The following SH2D3C variants were observed in gnomAD, a reference collection of about 807,000 sequenced individuals.
SH2D3C encodes the protein SH2 domain containing 3C.
Under a neutral mutation model 75.2 loss-of-function variants are expected in SH2D3C, and 25 were observed. The ratio of observed to expected loss-of-function variants is 0.33; its 90% CI spans 0.24 to 0.46. The LOEUF is 0.46. Ranked by LOEUF, SH2D3C falls within the 20% of genes least tolerant of loss-of-function variation. SH2D3C has a pLI of 1.00. For missense variants in SH2D3C, 933 were observed against 1,165.3 expected, an observed-to-expected ratio of 0.80 and a Z score of 2.90; for synonymous variants, 450 against 473.7, an observed-to-expected ratio of 0.95 and a Z score of 0.65.
chr9:127,740,227 G>C, intron 10 of SH2D3C, 31 bp downstream of exon 10: 2 of 1,579,514 alleles, frequency 1.3e-6, no homozygotes, highest in Non-Finnish European at 1.7e-6. Context: ...GAGGGCTGCA[G>C]CCTGTCCAAG....
intron 5 of SH2D3C, among the ~76,000 whole-genome samples, chr9:127,748,022 G>A (rs1845085757): frequency 6.6e-6 from 1 of 152,098 alleles, no homozygotes; most frequent in Admixed American, 6.6e-5. Flanking sequence ...TGGGAAAGGG[G>A]GTATAGGCCA....
chr9:127,740,752 C>T (rs1377777996), intron 9 of SH2D3C, among the ~76,000 whole-genome samples: 3 of 152,234 alleles, frequency 2.0e-5, no homozygotes, highest in Non-Finnish European at 2.9e-5. Flanking sequence ...GCAATCTCGG[C>T]TCACTGCAAA....
chr9:127,742,209 GT>G (rs1320008977), intron 8 of SH2D3C, among the ~76,000 whole-genome samples: 8 of 152,152 alleles, frequency 5.3e-5, no homozygotes, highest in African/African-American at 1.7e-4. Context: ...ACGCAGAGTA[GT>G]TTTTTGTTTT....
intron 3 of SH2D3C, among the ~76,000 whole-genome samples, chr9:127,755,698 ACT>A (rs1271712021): frequency 6.6e-6 from 1 of 151,998 alleles, no homozygotes; most frequent in Non-Finnish European, 1.5e-5. Context: ...GGAATCAGAG[ACT>A]CTGCTGGGAA....
chr9:127,749,288 G>A lies in SH2D3C; in HGVS notation c.1062C>T (p.His354=). The part of the protein sequence containing the change: ...PVSPSGPKGS[H]MKRRSVTMTD... ...TCATGGTGACGCTGCGCCGCTTCAT[G>A]TGGCTGCCCTTGGGGCCTGAGGGGC... is the stretch of plus-strand genomic sequence containing the variant. Residue 354 remains histidine (H), a synonymous_variant, in exon 5 of 12, where the codon CAC becomes CAT. Transcript: ENST00000314830. This position sits in a 1 kb window ranked among gnomAD's most constrained non-coding sequence, Gnocchi z 5.9. 4 of 1,608,758 alleles carry A rather than the reference G, an allele frequency of 2.5e-6. No homozygotes were observed. The highest frequency in any genetic ancestry group is 8.5e-7 in the Non-Finnish European group (1 of 1,177,172).
intron 2 of SH2D3C, among the ~76,000 whole-genome samples, chr9:127,764,808 A>G (rs992484116): frequency 2.6e-5 from 4 of 152,090 alleles, no homozygotes; most frequent in Non-Finnish European, 4.4e-5. Context: ...CCCGTGTCCA[A>G]GCGATTCTCC....
At position 127,739,991 on chromosome 9, in the gene SH2D3C, TC is replaced by T. The variant is rs1293577720; in HGVS notation, c.2201-104del. On this transcript the variant is annotated intron_variant, in intron 10 of 11. Coordinates refer to ENST00000314830, the MANE Select transcript of SH2D3C (RefSeq NM_170600.3). The surrounding 1 kb of genome is among the most constrained non-coding windows in gnomAD (Gnocchi z 4.3). ...CAGGAGGGAACGGGCCTGGCTGAGG[TC>T]CGGGAGAGAGCCCCAAGGGCTCCTG... 2.6e-6 allele frequency: 3 copies of T among 1,138,146 alleles called. No individual in the cohort carries two copies. Among genetic ancestry groups the T allele is most frequent in the Admixed American group, 2.9e-5 (1 of 34,926 alleles). 70.5% of individuals were successfully genotyped at this position (1,138,146 alleles called of 1,614,324 possible).
intron 3 of SH2D3C, among the ~76,000 whole-genome samples, chr9:127,758,003 A>G (rs1015265381): frequency 1.3e-5 from 2 of 152,058 alleles, no homozygotes; most frequent in Non-Finnish European, 2.9e-5. Flanking sequence ...TATCTTGGCC[A>G]GGGTGTTCTC....
intron 9 of SH2D3C, 76 bp downstream of exon 9, chr9:127,741,712 A>G: frequency 6.6e-7 from 1 of 1,518,642 alleles, no homozygotes; most frequent in Non-Finnish European, 8.9e-7. Flanking sequence ...CTGATTCCAT[A>G]TACAGCCATC....
rs76052033 is a variant in SH2D3C at position 127,776,656 on chromosome 9, C to T, written c.37+1935G>A. Among the ~76,000 whole-genome samples the T allele has an allele frequency of 4.7e-3, 710 of 152,352 alleles. 7 individuals are homozygous for T. Among genetic ancestry groups the T allele is most frequent in the African/African-American group, 0.016 (675 of 41,582 alleles). ...AGCATCCTCCACCTCCTCAGCTGTT[C>T]GCACCCGTGCTGGGATGCAGGTAGG... On this transcript the variant is annotated intron_variant, in intron 1 of 11. Transcript: ENST00000314830.
intron 3 of SH2D3C, among the ~76,000 whole-genome samples, chr9:127,758,570 AG>A (rs1027757793): frequency 5.9e-5 from 9 of 152,002 alleles, no homozygotes; most frequent in African/African-American, 2.2e-4. Flanking sequence ...CGGTGGCATA[AG>A]GGTTCTGGAA....
intron 3 of SH2D3C, among the ~76,000 whole-genome samples, chr9:127,760,599 TAAAAATAAA>T (rs1187431454): frequency 1.3e-5 from 2 of 151,052 alleles, no homozygotes; most frequent in East Asian, 3.9e-4. Context: ...TTAAAGTATA[TAAAAATAAA>T]AAAAAGAAAA....
chr9:127,746,256 A>G (rs193195758), intron 6 of SH2D3C, among the ~76,000 whole-genome samples: 1 of 152,328 alleles, frequency 6.6e-6, no homozygotes, highest in East Asian at 1.9e-4. Flanking sequence ...ACCGATACAG[A>G]CAGCAACACT....
rs1845308263 is a variant in SH2D3C, at chr9:127,754,693, C to G, written c.556-3393G>C. The G allele has an allele frequency of 2.9e-6, 1 of 347,406 alleles. No homozygotes were observed. Among genetic ancestry groups the G allele is most frequent in the South Asian group, 2.0e-5 (1 of 49,258 alleles). The allele number at this position is 347,406 out of a possible 1,614,324, so 21.5% of individuals were successfully genotyped here. A position where few individuals can be genotyped will look rare whatever the true frequency, so the allele number is the denominator to read the frequency against. ...GTCTTCAGATCCCAGTCCGGCGCCCCCGGTACAATGGGGAGCCAGGGTGCC... is the reference window on the plus strand; with the variant it reads ...GTCTTCAGATCCCAGTCCGGCGCCCGCGGTACAATGGGGAGCCAGGGTGCC... On this transcript the variant is annotated intron_variant, in intron 3 of 11. Coordinates refer to ENST00000314830, the MANE Select transcript of SH2D3C (RefSeq NM_170600.3). The surrounding 1 kb of genome is among the most constrained non-coding windows in gnomAD (Gnocchi z 4.4).
chr9:127,756,936 CTTGTT>C (rs1045868488), intron 3 of SH2D3C, among the ~76,000 whole-genome samples: 1 of 151,890 alleles, frequency 6.6e-6, no homozygotes, highest in Admixed American at 6.6e-5. Context: ...CTGGCCTGTT[CTTGTT>C]TTTTTGAGAC....
At chr9:127,757,905 C>G (rs1845436347) in intron 3 of SH2D3C, among the ~76,000 whole-genome samples, 1 of 152,038 alleles carries the variant, frequency 6.6e-6, no homozygotes, top group African/African-American at 2.4e-5. Context: ...AAGTAATCCA[C>G]CCACCTCGGC....
rs1844757039 is a variant in SH2D3C, at chr9:127,738,721, C to A, written c.*25G>T. The A allele has an allele frequency of 6.4e-7, 1 of 1,558,460 alleles. No individual in the cohort carries two copies. Among genetic ancestry groups the A allele is most frequent in the Non-Finnish European group, 8.7e-7 (1 of 1,147,656 alleles). Reference sequence around the variant, plus strand: ...CCTCTGCCCCTGACGCTGTCCGCAGCTGCAGAGGGGAAATGTCCCTGGGGT... The same window carrying A: ...CCTCTGCCCCTGACGCTGTCCGCAGATGCAGAGGGGAAATGTCCCTGGGGT... On this transcript the variant is annotated 3_prime_UTR_variant, in exon 12 of 12. Transcript: ENST00000314830. The surrounding 1 kb of genome is among the most constrained non-coding windows in gnomAD (Gnocchi z 5.0).
At position 127,745,018 on chromosome 9, in the gene SH2D3C, G is replaced by T. The variant is rs1844982253; in HGVS notation, c.1346C>A (p.Pro449His). 6.6e-7 allele frequency: 1 copy of T among 1,516,220 alleles called. No individual in the cohort carries two copies. The highest frequency in any genetic ancestry group is 1.4e-5 in the African/African-American group (1 of 71,770). The allele number at this position is 1,516,220 out of a possible 1,614,324, so 93.9% of individuals were successfully genotyped here. ...ASPVARRSSEPQLCPGSAPKT... is the reference protein window; with the variant it reads ...ASPVARRSSEHQLCPGSAPKT... The stretch of plus-strand genomic sequence containing the variant: ...TGGGGCACTTCCGGGACACAGCTGG[G>T]GCTCACTGGAACGGCGGGCGACAGG... Residue 449 changes from proline to histidine, a missense_variant, in exon 7 of 12, where the codon CCC becomes CAC. Transcript: ENST00000314830.
At chr9:127,757,054 C>T (rs149701002) in intron 3 of SH2D3C, among the ~76,000 whole-genome samples, 78 of 151,688 alleles carry the variant, frequency 5.1e-4, no homozygotes, top group African/African-American at 1.5e-3. Flanking sequence ...CTCAGCTTCC[C>T]GAGTAGCTGG....
Sources: allele counts gnomAD v4.1 joint callset (sites outside exome capture counted in the v4.1 genomes callset), GRCh38; gene constraint gnomAD v4.1.1; non-coding constraint Gnocchi (gnomAD v3.1); transcripts MANE v1.5; gene names NCBI Gene and HGNC (gene_info 2026-07-23, HGNC 2026-07-21).